ID2: variants seen among roughly 807,000 people sequenced by gnomAD.
The protein encoded by ID2 is inhibitor of DNA binding 2.
ID2 carries 2 observed loss-of-function variants against 8.3 expected under a neutral mutation model. The observed-to-expected ratio is 0.24, with a 90% CI of 0.10 to 0.76. The LOEUF (loss-of-function observed/expected upper bound fraction) is 0.76. ID2 is among the 30% of genes least tolerant of loss of function. The pLI is 0.73. For missense variants in ID2, 155 were observed against 167.0 expected (o/e 0.93, Z 0.40); for synonymous variants, 112 against 72.3 (o/e 1.55, Z -2.79).
chr2:8,682,772 A>C (rs946734479), intron 1 of ID2, 71 bp from the exon 2 acceptor site: 53 of 1,103,178 alleles, frequency 4.8e-5, no homozygotes, highest in Non-Finnish European at 6.9e-5. Context: ...CAAAAAAAAA[A>C]AAAAAAAAAA....
At chr2:8,682,553 C>A in intron 1 of ID2, 40 bp downstream of exon 1, 1 of 1,474,520 alleles carries the variant, frequency 6.8e-7, no homozygotes, top group Non-Finnish European at 9.4e-7. Flanking sequence ...CCGCCGCACA[C>A]TCCCGCGGTC....
chr2:8,682,194 T>A lies in ID2; in HGVS notation c.29T>A (p.Val10Asp), dbSNP rs372237811. 1 of 1,613,622 alleles carries A rather than the reference T, an allele frequency of 6.2e-7. No homozygotes were observed. The highest frequency in any genetic ancestry group is 1.3e-5 in the African/African-American group (1 of 74,878). ...AAAGCCTTCAGTCCCGTGAGGTCCG[T>A]TAGGAAAAACAGCCTGTCGGACCAC... MKAFSPVRS[V>D]RKNSLSDHSL... Residue 10 changes from valine to aspartate, a missense_variant, in exon 1 of 3, where the codon GTT (valine) becomes GAT (aspartate). Val to Asp is a radical substitution (Grantham distance 152). Coordinates refer to ENST00000396290, the MANE Select transcript of ID2 (RefSeq NM_002166.5).
At position 8,682,096 on chromosome 2, in the gene ID2, A is replaced by T. The variant is rs1662089570; in HGVS notation, c.-70A>T. On this transcript the variant is annotated 5_prime_UTR_variant, in exon 1 of 3. Transcript: ENST00000396290. ...CGGTGCCAAGCGCAGCTAGCTCAGC[A>T]GGCGGCAGCGGCGGCCTGAGCTTCA... 2 of 1,263,430 alleles carry T rather than the reference A, an allele frequency of 1.6e-6. No homozygotes were observed. The highest frequency in any genetic ancestry group is 2.3e-6 in the Non-Finnish European group (2 of 887,166). The allele number at this position is 1,263,430 out of a possible 1,614,324, so 78.3% of individuals were successfully genotyped here. A position where few individuals can be genotyped will look rare whatever the true frequency, so the allele number is the denominator to read the frequency against.
chr2:8,682,444 C>G lies in ID2; in HGVS notation c.279C>G (p.Pro93=). Residue 93 remains proline, a synonymous_variant, in exon 1 of 3, where the codon CCC becomes CCG. Transcript: ENST00000396290. ...PTIVSLHHQR[P]GQNQASRTPL... is the part of the protein sequence containing the mutation. Reference sequence around the variant, plus strand: ...TTGTCAGCCTGCATCACCAGAGACCCGGGCAGAACCAGGCGTCCAGGACGC... The same window carrying G: ...TTGTCAGCCTGCATCACCAGAGACCGGGGCAGAACCAGGCGTCCAGGACGC... 1 of 1,613,698 alleles carries G rather than the reference C, an allele frequency of 6.2e-7. No homozygotes were observed. The highest frequency in any genetic ancestry group is 8.5e-7 in the Non-Finnish European group (1 of 1,180,020).
chr2:8,684,450 T>G lies in ID2; in HGVS notation c.*773T>G, dbSNP rs1277200611. 1.3e-5 allele frequency: 2 copies of G among 150,762 alleles called. No individual in the cohort carries two copies. Among genetic ancestry groups the G allele is most frequent in the African/African-American group, 2.5e-5 (1 of 40,672 alleles). 9.3% of individuals were successfully genotyped at this position (150,762 alleles called of 1,614,324 possible). On this transcript the variant is annotated 3_prime_UTR_variant, in exon 3 of 3. Coordinates refer to ENST00000396290, the MANE Select transcript of ID2 (RefSeq NM_002166.5). Reference sequence around the variant, plus strand: ...AGATTATAATAAAACATGTCTGAAGTCAATACCTGAATTCCGAGTGGTTTT... The same window carrying G: ...AGATTATAATAAAACATGTCTGAAGGCAATACCTGAATTCCGAGTGGTTTT...
intron 2 of ID2, among the ~76,000 whole-genome samples, chr2:8,683,401 T>C (rs768832154): frequency 6.6e-6 from 1 of 152,224 alleles, no homozygotes; most frequent in African/African-American, 2.4e-5. Context: ...CTGTTTTCAA[T>C]CAAATAATTG....
rs758625876 is a variant in ID2, at chr2:8,682,438, G to A, written c.273G>A (p.Gln91=). The change falls in exon 1 of 3, where the codon CAG becomes CAA. Residue 91 remains glutamine (Q), a synonymous_variant. Coordinates refer to ENST00000396290, the MANE Select transcript of ID2 (RefSeq NM_002166.5). ...CCACTATTGTCAGCCTGCATCACCA[G>A]AGACCCGGGCAGAACCAGGCGTCCA... ...SHPTIVSLHH[Q]RPGQNQASRT... 3 of 1,613,728 alleles carry A rather than the reference G, an allele frequency of 1.9e-6. No individual in the cohort carries two copies. Among genetic ancestry groups the A allele is most frequent in the Admixed American group, 1.7e-5 (1 of 60,022 alleles).
rs1442257694 is a variant in ID2, at chr2:8,682,092, C to G, written c.-74C>G. 7.3e-6 allele frequency: 9 copies of G among 1,236,584 alleles called. No homozygotes were observed. The Admixed American group carries it at 1.1e-4, about 15-fold the overall frequency. 76.6% of individuals were successfully genotyped at this position (1,236,584 alleles called of 1,614,324 possible). ...AGCCCGGTGCCAAGCGCAGCTAGCT[C>G]AGCAGGCGGCAGCGGCGGCCTGAGC... On this transcript the variant is annotated 5_prime_UTR_variant, in exon 1 of 3. Coordinates refer to ENST00000396290, the MANE Select transcript of ID2 (RefSeq NM_002166.5).
chr2:8,682,962 C>A, intron 2 of ID2, 56 bp downstream of exon 2: 1 of 1,310,764 alleles, frequency 7.6e-7, no homozygotes, highest in Non-Finnish European at 1.1e-6. Context: ...TGTGTGCGCG[C>A]GCGCGCATGT....
rs878885539 is a variant in ID2, at chr2:8,682,437, A to G, written c.272A>G (p.Gln91Arg). 1.9e-6 allele frequency: 3 copies of G among 1,613,756 alleles called. No homozygotes were observed. The highest frequency in any genetic ancestry group is 2.2e-5 in the South Asian group (2 of 91,088). The change falls in exon 1 of 3, where the codon CAG becomes CGG. Residue 91 changes from glutamine to arginine, a missense_variant. By Grantham distance (43) the Gln-to-Arg change is conservative. Around this residue, in one of 3 missense-constraint regions of ID2, gnomAD observed 75 missense variants for 72.2 expected, o/e 1.04. Transcript: ENST00000396290. Reference sequence around the variant, plus strand: ...CCCACTATTGTCAGCCTGCATCACCAGAGACCCGGGCAGAACCAGGCGTCC... The same window carrying G: ...CCCACTATTGTCAGCCTGCATCACCGGAGACCCGGGCAGAACCAGGCGTCC... The part of the protein sequence containing the change: ...SHPTIVSLHH[Q>R]RPGQNQASRT...
rs1662174699 is a variant in ID2, at chr2:8,683,948, T to G, written c.*271T>G. 6.6e-6 allele frequency: 1 copy of G among 152,500 alleles called. No homozygotes were observed. The highest frequency in any genetic ancestry group is 2.1e-4 in the South Asian group (1 of 4,824). 9.4% of individuals were successfully genotyped at this position (152,500 alleles called of 1,614,324 possible). A position where few individuals can be genotyped will look rare whatever the true frequency, so the allele number is the denominator to read the frequency against. ...TTGGAAGGTTTTCTTTATATACTATTCCCACCATGGGGAGCGAAAACGTTA... is the reference window on the plus strand; with the variant it reads ...TTGGAAGGTTTTCTTTATATACTATGCCCACCATGGGGAGCGAAAACGTTA... On this transcript the variant is annotated 3_prime_UTR_variant, in exon 3 of 3. Coordinates refer to ENST00000396290, the MANE Select transcript of ID2 (RefSeq NM_002166.5).
chr2:8,684,459 G>A lies in ID2; in HGVS notation c.*782G>A, dbSNP rs1004471687. On this transcript the variant is annotated 3_prime_UTR_variant, in exon 3 of 3. Coordinates refer to ENST00000396290, the MANE Select transcript of ID2 (RefSeq NM_002166.5). ...TAAAACATGTCTGAAGTCAATACCT[G>A]AATTCCGAGTGGTTTTTAAGATCTC... The A allele has an allele frequency of 2.7e-5, 4 of 148,014 alleles. No homozygotes were observed. The highest frequency in any genetic ancestry group is 5.9e-5 in the Non-Finnish European group (4 of 67,518). 9.2% of individuals were successfully genotyped at this position (148,014 alleles called of 1,614,324 possible). A position where few individuals can be genotyped will look rare whatever the true frequency, so the allele number is the denominator to read the frequency against.
At chr2:8,682,777 AAAAAAAAAAAC>A in intron 1 of ID2, 55 bp from the exon 2 acceptor site, 1 of 1,250,936 alleles carries the variant, frequency 8.0e-7, no homozygotes, top group Non-Finnish European at 1.1e-6. Flanking sequence ...AAAAAAAAAA[AAAAAAAAAAAC>A]CCTTTCTACT....
chr2:8,682,144 C>G lies in ID2; in HGVS notation c.-22C>G, dbSNP rs773532008. ...TCAGGGCAGCCAGCTCCCTCCCGGT[C>G]TCGCCTTCCCTCGCGGTCAGCATGA... On this transcript the variant is annotated 5_prime_UTR_variant, in exon 1 of 3. Transcript: ENST00000396290. 6.3e-7 allele frequency: 1 copy of G among 1,597,270 alleles called. No homozygotes were observed. The highest frequency in any genetic ancestry group is 8.6e-7 in the Non-Finnish European group (1 of 1,168,512).
Position 8,682,092 on chromosome 2 carries a change from C to A in ID2, c.-74C>A, listed in dbSNP as rs1442257694. The A allele has an allele frequency of 5.7e-6, 7 of 1,236,580 alleles. No homozygotes were observed. Among genetic ancestry groups the A allele is most frequent in the East Asian group, 2.3e-5 (1 of 42,922 alleles). 76.6% of individuals were successfully genotyped at this position (1,236,580 alleles called of 1,614,324 possible). A position where few individuals can be genotyped will look rare whatever the true frequency, so the allele number is the denominator to read the frequency against. ...AGCCCGGTGCCAAGCGCAGCTAGCT[C>A]AGCAGGCGGCAGCGGCGGCCTGAGC... On this transcript the variant is annotated 5_prime_UTR_variant, in exon 1 of 3. Transcript: ENST00000396290.
chr2:8,682,613 G>A (rs1344868700), intron 1 of ID2, 100 bp downstream of exon 1: 1 of 859,478 alleles, frequency 1.2e-6, no homozygotes, highest in Non-Finnish European at 1.8e-6. Context: ...ACTTTCGTAT[G>A]AGCTATTTAA....
chr2:8,683,426 C>T (rs1353352705), intron 2 of ID2, among the ~76,000 whole-genome samples: 2 of 152,236 alleles, frequency 1.3e-5, no homozygotes, highest in Non-Finnish European at 2.9e-5. Context: ...GAGAAGCAGA[C>T]TGGCGCCTGT....
At chr2:8,683,116 G>C in intron 2 of ID2, 1 of 585,874 alleles carries the variant, frequency 1.7e-6, no homozygotes. Flanking sequence ...TCCTTTAAAA[G>C]GAAATGATGC....
Position 8,682,174 on chromosome 2 carries a change from C to A in ID2, c.9C>A (p.Ala3=), listed in dbSNP as rs949029751. The A allele has an allele frequency of 6.2e-7, 1 of 1,613,342 alleles. No individual in the cohort carries two copies. The highest frequency in any genetic ancestry group is 8.5e-7 in the Non-Finnish European group (1 of 1,179,918). The change falls in exon 1 of 3, where the codon GCC becomes GCA. Residue 3 remains alanine (A), a synonymous_variant. Coordinates refer to ENST00000396290, the MANE Select transcript of ID2 (RefSeq NM_002166.5). MK[A]FSPVRSVRKN... Reference sequence around the variant, plus strand: ...CTTCCCTCGCGGTCAGCATGAAAGCCTTCAGTCCCGTGAGGTCCGTTAGGA... The same window carrying A: ...CTTCCCTCGCGGTCAGCATGAAAGCATTCAGTCCCGTGAGGTCCGTTAGGA...
Sources: gnomAD v4.1 joint callset for allele counts (sites outside exome capture counted in the v4.1 genomes callset) on GRCh38, gnomAD v4.1.1 for gene constraint, gnomAD v4.1.1 regional missense constraint, MANE v1.5 for transcripts, NCBI Gene and HGNC (gene_info 2026-07-23, HGNC 2026-07-21) for gene names.